PAM: variants seen among roughly 807,000 people sequenced by gnomAD.
PAM encodes peptidyl-glycine alpha-amidating monooxygenase.
A neutral mutation model predicts 122.1 loss-of-function variants in PAM; 72 were observed. The observed-to-expected ratio is 0.59, with a 90% CI of 0.49 to 0.72. The LOEUF (loss-of-function observed/expected upper bound fraction) is 0.72. Among genes scored for constraint, PAM ranks in the 30% least tolerant of loss-of-function variants. The pLI is 0.00. For missense variants in PAM, 1,106 were observed against 1,183.7 expected (o/e 0.93, Z 0.96); for synonymous variants, 389 against 404.4 (o/e 0.96, Z 0.46).
At chr5:102,913,487 T>C (rs1581636704) in intron 4 of PAM, among the ~76,000 whole-genome samples, 3 of 152,110 alleles carry the variant, frequency 2.0e-5, no homozygotes, top group Middle Eastern at 6.8e-3. Context: ...TCTAAGATGG[T>C]CATAAATTTG....
chr5:102,858,985 G>T (rs1475133074), intron 1 of PAM, among the ~76,000 whole-genome samples: 1 of 152,136 alleles, frequency 6.6e-6, no homozygotes, highest in Non-Finnish European at 1.5e-5. Context: ...ATGTGTTTGT[G>T]GTGATGCTGA....
At chr5:103,000,772 A>G (rs1031863595) in intron 16 of PAM, among the ~76,000 whole-genome samples, 16 of 152,138 alleles carry the variant, frequency 1.1e-4, no homozygotes, top group African/African-American at 3.9e-4. Context: ...TTATAAAACT[A>G]TCAGATCTCA....
intron 14 of PAM, among the ~76,000 whole-genome samples, chr5:102,970,148 G>C (rs537448290): frequency 1.3e-5 from 2 of 152,234 alleles, no homozygotes; most frequent in South Asian, 2.1e-4. Flanking sequence ...GAAGTGGAAA[G>C]AAATGCATCC....
chr5:103,007,748 T>C, intron 20 of PAM, 91 bp downstream of exon 20: 1 of 784,068 alleles, frequency 1.3e-6, no homozygotes, highest in East Asian at 2.6e-5. Context: ...TTTATAAATT[T>C]TCTTTGCTAT....
At chr5:102,811,047 C>T (rs1266572864) in intron 1 of PAM, among the ~76,000 whole-genome samples, 1 of 152,128 alleles carries the variant, frequency 6.6e-6, no homozygotes, top group Non-Finnish European at 1.5e-5. Flanking sequence ...GGCCAGTTTT[C>T]ATTTTCATGG....
intron 18 of PAM, 96 bp downstream of exon 18, chr5:103,005,322 T>A (rs770654350): frequency 1.3e-6 from 1 of 759,638 alleles, no homozygotes; most frequent in Non-Finnish European, 2.3e-6. Flanking sequence ...TGTTTGTTTT[T>A]TCTTCTGTCA....
At chr5:102,972,971 T>C (rs573850773) in intron 14 of PAM, among the ~76,000 whole-genome samples, 4 of 152,368 alleles carry the variant, frequency 2.6e-5, no homozygotes, top group South Asian at 4.1e-4. Context: ...CATCTCCCCT[T>C]GCACCACTTT....
chr5:102,931,115 T>C (rs879492667), intron 7 of PAM, among the ~76,000 whole-genome samples: 1 of 152,232 alleles, frequency 6.6e-6, no homozygotes, highest in Non-Finnish European at 1.5e-5. Flanking sequence ...AAATGTTAGC[T>C]ATTATCATTA....
rs547605258 is a variant in PAM, at chr5:102,771,065, C to T, written c.-374+15717C>T. On this transcript the variant is annotated intron_variant, in intron 1 of 25. Transcript: ENST00000438793. ...TGTTATATAATATTTTGTACAGTGG[C>T]ACCATTTGAAGATTGCGGCTATGTA... Among the ~76,000 whole-genome samples the T allele has an allele frequency of 5.9e-5, 9 of 152,136 alleles. No individual in the cohort carries two copies. The South Asian group carries it at 1.9e-3, about 32-fold the overall frequency.
Position 102,867,216 on chromosome 5 carries a change from A to G in PAM, c.90-57A>G, listed in dbSNP as rs900289960. ...TAGAATTCCTTTCTTTCCCCTTCTCATGTTGAGTTTAGATTCCATTATGTT... is the reference window on the plus strand; with the variant it reads ...TAGAATTCCTTTCTTTCCCCTTCTCGTGTTGAGTTTAGATTCCATTATGTT... On this transcript the variant is annotated intron_variant, in intron 2 of 25. Coordinates refer to ENST00000438793, the MANE Select transcript of PAM (RefSeq NM_001177306.2). 72 of 1,213,424 alleles carry G rather than the reference A, an allele frequency of 5.9e-5. 1 individual carries two copies. The South Asian group carries it at 8.6e-4, about 15-fold the overall frequency. 75.2% of individuals were successfully genotyped at this position (1,213,424 alleles called of 1,614,324 possible).
intron 1 of PAM, among the ~76,000 whole-genome samples, chr5:102,795,189 C>CAAAAAAAAAA (rs33988105): frequency 4.9e-4 from 29 of 59,658 alleles, no homozygotes; most frequent in Non-Finnish European, 6.9e-4. Flanking sequence ...GACAATGTCT[C>CAAAAAAAAAA]AAAAAAAAAA....
chr5:102,970,514 GT>G (rs1765497541), intron 14 of PAM, among the ~76,000 whole-genome samples: 5 of 152,192 alleles, frequency 3.3e-5, no homozygotes, highest in Non-Finnish European at 7.3e-5. Context: ...CAAGCCCTAA[GT>G]GAGTGTATGT....
intron 1 of PAM, among the ~76,000 whole-genome samples, chr5:102,806,825 C>T (rs183322350): frequency 6.6e-6 from 1 of 152,234 alleles, no homozygotes; most frequent in African/African-American, 2.4e-5. Flanking sequence ...AATGAAAAGC[C>T]CAACTTATCA....
At chr5:102,829,587 G>A (rs764862384) in intron 1 of PAM, among the ~76,000 whole-genome samples, 2 of 152,228 alleles carry the variant, frequency 1.3e-5, no homozygotes, top group Middle Eastern at 3.4e-3. Context: ...TGTTAGCCAG[G>A]ATGGTCTCGA....
At chr5:102,860,109 C>T (rs1457271297) in intron 1 of PAM, among the ~76,000 whole-genome samples, 3 of 152,064 alleles carry the variant, frequency 2.0e-5, no homozygotes, top group African/African-American at 7.2e-5. Flanking sequence ...CTTTTTTCTT[C>T]CTGACCGGTT....
Position 103,012,831 on chromosome 5 carries a change from G to T in PAM, c.2331+2965G>T, listed in dbSNP as rs183852631. ...AGATCGTGCCACTGCACTCCAGCCTGGGGGACAGAGCAAGACTCTGCCTCA... is the reference window on the plus strand; with the variant it reads ...AGATCGTGCCACTGCACTCCAGCCTTGGGGACAGAGCAAGACTCTGCCTCA... On this transcript the variant is annotated intron_variant, in intron 21 of 25. Coordinates refer to ENST00000438793, the MANE Select transcript of PAM (RefSeq NM_001177306.2). Among the ~76,000 whole-genome samples, 887 of 151,272 alleles carry T rather than the reference G, an allele frequency of 5.9e-3. 7 individuals are homozygous for T. Among genetic ancestry groups the T allele is most frequent in the African/African-American group, 0.021 (847 of 41,130 alleles).
intron 1 of PAM, among the ~76,000 whole-genome samples, chr5:102,817,249 C>T (rs1341841507): frequency 6.6e-6 from 1 of 151,968 alleles, no homozygotes; most frequent in African/African-American, 2.4e-5. Flanking sequence ...GGTTGCTACC[C>T]TTGACTTACT....
rs1554059721 is a variant in PAM, at chr5:102,779,918, T to TACACACACAC, written c.-374+24577_-374+24578insCACACACACA. 1.5e-3 allele frequency among the ~76,000 whole-genome samples: 143 copies of TACACACACAC among 95,594 alleles called. 4 individuals carry two copies. Among genetic ancestry groups the TACACACACAC allele is most frequent in the African/African-American group, 4.9e-3 (107 of 22,022 alleles). The allele number at this position is 95,594 out of a possible 152,430, so 62.7% of individuals were successfully genotyped here. ...ATATATATATATATATATATATATA[T>TACACACACAC]ACACACATATATATATGTATATATC... On this transcript the variant is annotated intron_variant, in intron 1 of 25. Coordinates refer to ENST00000438793, the MANE Select transcript of PAM (RefSeq NM_001177306.2).
At chr5:102,857,940 G>T (rs577021709) in intron 1 of PAM, among the ~76,000 whole-genome samples, 1 of 152,156 alleles carries the variant, frequency 6.6e-6, no homozygotes, top group Admixed American at 6.5e-5. Context: ...TGGATTAAGA[G>T]CATGGATTCT....
Sources: allele counts gnomAD v4.1 joint callset (sites outside exome capture counted in the v4.1 genomes callset), GRCh38; gene constraint gnomAD v4.1.1; transcripts MANE v1.5; gene names NCBI Gene and HGNC (gene_info 2026-07-23, HGNC 2026-07-21).